The following ADAMTS2 variants were observed in gnomAD, a reference collection of about 807,000 sequenced individuals.
The protein encoded by ADAMTS2 is A disintegrin and metalloproteinase with thrombospondin motifs 2.
ADAMTS2 carries 50 observed loss-of-function variants against 123.0 expected under a neutral mutation model. The observed-to-expected ratio is 0.41, with a 90% CI of 0.32 to 0.51. ADAMTS2 has a LOEUF of 0.51. Ranked by LOEUF, ADAMTS2 falls within the 20% of genes least tolerant of loss-of-function variation. The pLI, the probability that ADAMTS2 is intolerant of heterozygous loss-of-function variation, is 0.35. For synonymous variants in ADAMTS2, 678 were observed against 695.4 expected, an observed-to-expected ratio of 0.98 and a Z score of 0.39; for missense variants, 1,494 against 1,705.2, an observed-to-expected ratio of 0.88 and a Z score of 2.18.
chr5:179,184,509 T>TAAAA (rs554713153), intron 4 of ADAMTS2, among the ~76,000 whole-genome samples: 6 of 91,324 alleles, frequency 6.6e-5, no homozygotes, highest in Non-Finnish European at 1.1e-4. Context: ...AGACTCTGTC[T>TAAAA]AAAAAAAAAA....
rs1225691245 is a variant in ADAMTS2, at chr5:179,272,575, C to T, written c.688+336G>A. On this transcript the variant is annotated intron_variant, in intron 3 of 21. Coordinates refer to ENST00000251582, the MANE Select transcript of ADAMTS2 (RefSeq NM_014244.5). The surrounding 1 kb of genome is among the most constrained non-coding windows in gnomAD (Gnocchi z 5.8). ...GGACTCAGGCCTGGCCGGGGGCCCCCGCCCCGCTCCACGACACTTGCTTGC... is the reference window on the plus strand; with the variant it reads ...GGACTCAGGCCTGGCCGGGGGCCCCTGCCCCGCTCCACGACACTTGCTTGC... 1.3e-5 allele frequency among the ~76,000 whole-genome samples: 2 copies of T among 152,126 alleles called. No homozygotes were observed. The highest frequency in any genetic ancestry group is 2.4e-5 in the African/African-American group (1 of 41,436).
rs560190566 is a variant in ADAMTS2 at position 179,287,902 on chromosome 5, G to A, written c.535-14838C>T. Among the ~76,000 whole-genome samples, 46 of 152,354 alleles carry A rather than the reference G, an allele frequency of 3.0e-4. 1 individual carries two copies. The highest frequency in any genetic ancestry group is 1.0e-3 in the African/African-American group (42 of 41,594). Reference sequence around the variant, plus strand: ...CCATGGGGAGAGCACAGGCTGGGACGCAGCCCGCCCAACGCCAGTCCCCCC... The same window carrying A: ...CCATGGGGAGAGCACAGGCTGGGACACAGCCCGCCCAACGCCAGTCCCCCC... On this transcript the variant is annotated intron_variant, in intron 2 of 21. Coordinates refer to ENST00000251582, the MANE Select transcript of ADAMTS2 (RefSeq NM_014244.5).
At chr5:179,261,795 C>G (rs981233283) in intron 3 of ADAMTS2, among the ~76,000 whole-genome samples, 1 of 152,208 alleles carries the variant, frequency 6.6e-6, no homozygotes, top group Non-Finnish European at 1.5e-5. Flanking sequence ...CCATTCATCC[C>G]GGCCAGTCTG....
intron 3 of ADAMTS2, among the ~76,000 whole-genome samples, chr5:179,267,029 C>G (rs1055006304): frequency 1.3e-5 from 2 of 152,214 alleles, no homozygotes; most frequent in African/African-American, 4.8e-5. Context: ...TTCAAGGCTG[C>G]TGCTTCCATG....
intron 5 of ADAMTS2, among the ~76,000 whole-genome samples, chr5:179,176,966 G>A (rs895144304): frequency 2.0e-5 from 3 of 152,068 alleles, no homozygotes; most frequent in South Asian, 2.1e-4. Flanking sequence ...TGGGTGGAAC[G>A]GTCACTTCCT....
At chr5:179,169,529 C>T (rs982011434) in intron 5 of ADAMTS2, among the ~76,000 whole-genome samples, 4 of 152,128 alleles carry the variant, frequency 2.6e-5, no homozygotes, top group Non-Finnish European at 5.9e-5. Context: ...GGCCATCATG[C>T]CTTGCACCCC....
chr5:179,280,635 G>GC (rs969773810), intron 2 of ADAMTS2, among the ~76,000 whole-genome samples: 3 of 152,122 alleles, frequency 2.0e-5, no homozygotes, highest in Non-Finnish European at 4.4e-5. Flanking sequence ...GGTCCCAGCA[G>GC]CCGTCTGTCC....
chr5:179,312,831 G>A lies in ADAMTS2; in HGVS notation c.534+30936C>T, dbSNP rs1756870401. The stretch of plus-strand genomic sequence containing the variant: ...CCTGCCGCCACCTGCGTTTTGCCCT[G>A]TTGAAACTGATTTCAGCCTCCAGAA... On this transcript the variant is annotated intron_variant, in intron 2 of 21. Transcript: ENST00000251582. This position sits in a 1 kb window ranked among gnomAD's most constrained non-coding sequence, Gnocchi z 4.2. 6.6e-6 allele frequency among the ~76,000 whole-genome samples: 1 copy of A among 152,208 alleles called. No homozygotes were observed. Among genetic ancestry groups the A allele is most frequent in the African/African-American group, 2.4e-5 (1 of 41,450 alleles).
At chr5:179,335,456 T>C (rs1205886528) in intron 2 of ADAMTS2, among the ~76,000 whole-genome samples, 2 of 152,218 alleles carry the variant, frequency 1.3e-5, no homozygotes, top group Admixed American at 1.3e-4. Flanking sequence ...ATAGCTACTG[T>C]ATTGGACAGC....
intron 2 of ADAMTS2, among the ~76,000 whole-genome samples, chr5:179,321,155 A>G (rs1308341309): frequency 1.3e-5 from 2 of 152,050 alleles, no homozygotes; most frequent in Non-Finnish European, 2.9e-5. Flanking sequence ...TCTCTCTTCT[A>G]TAGCTTCAAA....
At chr5:179,217,571 G>A (rs915218908) in intron 3 of ADAMTS2, among the ~76,000 whole-genome samples, 1 of 152,240 alleles carries the variant, frequency 6.6e-6, no homozygotes, top group African/African-American at 2.4e-5. Context: ...AGTCATGGAA[G>A]TGCTAGAAGA....
chr5:179,201,147 G>A (rs1350629950), intron 4 of ADAMTS2, among the ~76,000 whole-genome samples: 4 of 152,166 alleles, frequency 2.6e-5, no homozygotes, highest in East Asian at 1.9e-4. Context: ...TCAATGAAGC[G>A]GGAATAGATG....
intron 5 of ADAMTS2, among the ~76,000 whole-genome samples, chr5:179,167,343 G>A (rs1246501642): frequency 6.6e-6 from 1 of 152,000 alleles, no homozygotes; most frequent in Non-Finnish European, 1.5e-5. Flanking sequence ...CCCAGACTCC[G>A]CGGCCGCACC....
Position 179,158,858 on chromosome 5 carries a change from C to G in ADAMTS2, c.997G>C (p.Gly333Arg). 1 of 1,614,090 alleles carries G rather than the reference C, an allele frequency of 6.2e-7. No individual in the cohort carries two copies. The change falls in exon 6 of 22, where the codon GGG becomes CGG. Residue 333 changes from glycine to arginine, a missense_variant. By Grantham distance (125) the Gly-to-Arg change is moderately radical. Coordinates refer to ENST00000251582, the MANE Select transcript of ADAMTS2 (RefSeq NM_014244.5). This position sits in a 1 kb window ranked among gnomAD's most constrained non-coding sequence, Gnocchi z 5.0. ...TTCTCCAGGCTCTGAGAGGGGTTCC[C>G]GATCTCGATGAGGCTCATGGACTGC... ...YGKSMSLIEI[G>R]NPSQSLENVC...
At chr5:179,324,297 AATT>A (rs1757255783) in intron 2 of ADAMTS2, among the ~76,000 whole-genome samples, 2 of 152,224 alleles carry the variant, frequency 1.3e-5, no homozygotes, top group African/African-American at 2.4e-5. Context: ...ATAGTATGTG[AATT>A]ATGTCTCAAT....
intron 18 of ADAMTS2, 59 bp from the exon 19 acceptor site, chr5:179,125,239 C>T (rs966574621): frequency 4.0e-5 from 62 of 1,547,664 alleles, no homozygotes; most frequent in Non-Finnish European, 5.2e-5. Context: ...ACCTGCCTGG[C>T]TGAGCTCCAG....
At chr5:179,196,621 T>C (rs1428743972) in intron 4 of ADAMTS2, among the ~76,000 whole-genome samples, 1 of 152,262 alleles carries the variant, frequency 6.6e-6, no homozygotes, top group Non-Finnish European at 1.5e-5. Flanking sequence ...CAGCCCACTG[T>C]GCTCAGTACT....
chr5:179,218,169 C>T (rs1765046619), intron 3 of ADAMTS2, among the ~76,000 whole-genome samples: 1 of 152,234 alleles, frequency 6.6e-6, no homozygotes. Context: ...TTCCTGCACA[C>T]AAGCACTGCC....
At chr5:179,310,762 C>A (rs1277709592) in intron 2 of ADAMTS2, among the ~76,000 whole-genome samples, 3 of 152,172 alleles carry the variant, frequency 2.0e-5, no homozygotes, top group Admixed American at 2.0e-4. Flanking sequence ...TCCCAGGGTC[C>A]CTCAAAGGTG....
Sources: allele counts gnomAD v4.1 joint callset (sites outside exome capture counted in the v4.1 genomes callset), GRCh38; gene constraint gnomAD v4.1.1; non-coding constraint Gnocchi (gnomAD v3.1); transcripts MANE v1.5; gene names NCBI Gene and HGNC (gene_info 2026-07-23, HGNC 2026-07-21).